The following VPS45 variants were observed in gnomAD, a reference collection of about 807,000 sequenced individuals.
VPS45 encodes vacuolar protein sorting 45 homolog.
A neutral mutation model predicts 75.9 loss-of-function variants in VPS45; 35 were observed. That is an observed-to-expected ratio of 0.46 (90% CI 0.35 to 0.61). The LOEUF (loss-of-function observed/expected upper bound fraction) is 0.61, where lower values mean the gene tolerates loss of function less well. VPS45 is among the 20% of genes least tolerant of loss of function. The pLI is 0.00. For missense variants in VPS45, 559 were observed against 685.9 expected, an observed-to-expected ratio of 0.81 and a Z score of 2.07; for synonymous variants, 220 against 238.2, an observed-to-expected ratio of 0.92 and a Z score of 0.70.
At chr1:150,070,670 A>G (rs190704808) in intron 2 of VPS45, among the ~76,000 whole-genome samples, 5,085 of 150,654 alleles carry the variant, frequency 0.034, 238 homozygotes, top group African/African-American at 0.11. Context: ...TTAGCCAGGC[A>G]TGGTGGCAGG....
At chr1:150,136,093 A>G (rs1659077524) in intron 14 of VPS45, among the ~76,000 whole-genome samples, 1 of 149,574 alleles carries the variant, frequency 6.7e-6, no homozygotes, top group Non-Finnish European at 1.5e-5. Flanking sequence ...TACTAAAAAT[A>G]CAAAAATTAG....
intron 14 of VPS45, among the ~76,000 whole-genome samples, chr1:150,125,986 A>G (rs72694936): frequency 0.11 from 16,096 of 151,918 alleles, 1,201 homozygotes; most frequent in Non-Finnish European, 0.17. Context: ...GCCCCTGGCC[A>G]AGCTTACATT....
intron 7 of VPS45, 48 bp downstream of exon 7, chr1:150,077,827 T>G (rs587645878): frequency 1.4e-6 from 2 of 1,403,116 alleles, no homozygotes; most frequent in East Asian, 4.6e-5. Flanking sequence ...TTAAGTGATA[T>G]TCATCAAAAT....
At chr1:150,068,516 A>G in intron 1 of VPS45, 114 bp from the exon 2 acceptor site, 1 of 992,910 alleles carries the variant, frequency 1.0e-6, no homozygotes, top group South Asian at 2.7e-5. Context: ...TGTTTTCCGT[A>G]TATTACTATT....
rs782533168 is a variant in VPS45 at position 150,081,489 on chromosome 1, A to C, written c.822+13A>C. The C allele has an allele frequency of 3.8e-6, 6 of 1,592,336 alleles. No individual in the cohort carries two copies. The highest frequency in any genetic ancestry group is 2.3e-5 in the East Asian group (1 of 44,232). On this transcript the variant is annotated intron_variant, in intron 8 of 14. Transcript: ENST00000644510. ...ATTCTATGCTAATGTAGGTGGTTTA[A>C]ATTTTTTTAAATTGTCTTTAGTTGT...
At chr1:150,113,128 G>A (rs781783506) in intron 14 of VPS45, among the ~76,000 whole-genome samples, 48 of 152,094 alleles carry the variant, frequency 3.2e-4, no homozygotes, top group South Asian at 6.2e-4. Flanking sequence ...AGGTTCAGGG[G>A]TGGGACTGAA....
intron 10 of VPS45, among the ~76,000 whole-genome samples, chr1:150,085,972 C>G (rs1015605087): frequency 6.6e-6 from 1 of 152,082 alleles, no homozygotes; most frequent in Non-Finnish European, 1.5e-5. Flanking sequence ...TTACCATCCT[C>G]CCTATACCCT....
intron 13 of VPS45, among the ~76,000 whole-genome samples, chr1:150,102,636 A>G (rs916506993): frequency 6.6e-5 from 10 of 151,904 alleles, no homozygotes; most frequent in East Asian, 1.9e-4. Context: ...ATGCCCACCA[A>G]TGACAGACTG....
chr1:150,068,834 G>A (rs1378709524), intron 2 of VPS45, 70 bp downstream of exon 2: 1 of 1,366,704 alleles, frequency 7.3e-7, no homozygotes, highest in Non-Finnish European at 9.7e-7. Context: ...GCATTAAGAA[G>A]GCAAAATAAA....
In VPS45 at chr1:150,079,193, A is replaced by G. The variant is rs80198276; in HGVS notation, c.687+1414A>G. 7.0e-3 allele frequency among the ~76,000 whole-genome samples: 1,055 copies of G among 151,608 alleles called. 8 individuals are homozygous for G. Among genetic ancestry groups the G allele is most frequent in the Middle Eastern group, 0.035 (10 of 286 alleles). On this transcript the variant is annotated intron_variant, in intron 7 of 14. Coordinates refer to ENST00000644510, the MANE Select transcript of VPS45 (RefSeq NM_007259.5). ...TCTCGAAGCCTGTATTCTTTCAGTC[A>G]GATATTGTTCTTATCTCCTGAAAAT...
At chr1:150,090,618 G>A (rs587720205) in intron 10 of VPS45, among the ~76,000 whole-genome samples, 16 of 152,188 alleles carry the variant, frequency 1.1e-4, no homozygotes, top group African/African-American at 3.9e-4. Context: ...TACTAGCATG[G>A]TTAAATCTCC....
chr1:150,068,788 T>C (rs1413575076), intron 2 of VPS45, 24 bp downstream of exon 2: 1 of 1,578,350 alleles, frequency 6.3e-7, no homozygotes, highest in Admixed American at 1.8e-5. Context: ...TGAGCTTCCA[T>C]CTGCCCAGGC....
chr1:150,083,813 T>C (rs1233711042), intron 10 of VPS45, among the ~76,000 whole-genome samples: 7 of 151,920 alleles, frequency 4.6e-5, no homozygotes, highest in Non-Finnish European at 1.0e-4. Context: ...AGCCAGGTTA[T>C]GGCCATTGGA....
chr1:150,120,103 CA>C, intron 14 of VPS45, among the ~76,000 whole-genome samples: 1 of 12,380 alleles, frequency 8.1e-5, no homozygotes, highest in East Asian at 2.4e-3. Flanking sequence ...AGTGAAACTC[CA>C]TCTAAAAAAA....
chr1:150,103,365 A>G (rs1340682805), intron 13 of VPS45, among the ~76,000 whole-genome samples: 3 of 152,202 alleles, frequency 2.0e-5, no homozygotes, highest in African/African-American at 7.2e-5. Flanking sequence ...GTATTTAAAC[A>G]TTGTTTTTCA....
At chr1:150,120,666 G>A (rs940355890) in intron 14 of VPS45, among the ~76,000 whole-genome samples, 1 of 151,956 alleles carries the variant, frequency 6.6e-6, no homozygotes, top group Non-Finnish European at 1.5e-5. Flanking sequence ...TGATTCAGGC[G>A]CTGGTTGTAA....
At chr1:150,088,572 C>G (rs1656153050) in intron 10 of VPS45, among the ~76,000 whole-genome samples, 1 of 149,218 alleles carries the variant, frequency 6.7e-6, no homozygotes. Flanking sequence ...TTCTGCCTCC[C>G]AGGCTCAAGC....
At chr1:150,071,617 T>C (rs1553797051) in intron 2 of VPS45, among the ~76,000 whole-genome samples, 1 of 151,986 alleles carries the variant, frequency 6.6e-6, no homozygotes, top group African/African-American at 2.4e-5. Context: ...TGAAACCCCG[T>C]CTCTGCTACA....
At chr1:150,092,481 T>G in intron 12 of VPS45, 72 bp downstream of exon 12, 1 of 1,261,872 alleles carries the variant, frequency 7.9e-7, no homozygotes, top group Non-Finnish European at 1.1e-6. Flanking sequence ...TGAATGAATA[T>G]GATCTTCAAA....
Sources: gnomAD v4.1 joint callset for allele counts (sites outside exome capture counted in the v4.1 genomes callset) on GRCh38, gnomAD v4.1.1 for gene constraint, MANE v1.5 for transcripts, NCBI Gene and HGNC (gene_info 2026-07-23, HGNC 2026-07-21) for gene names.